CLASP2: variants seen among roughly 807,000 people sequenced by gnomAD.
CLASP2 encodes CLIP-associating protein 2.
CLASP2 carries 47 observed loss-of-function variants against 194.4 expected under a neutral mutation model. The observed-to-expected ratio is 0.24, with a 90% CI of 0.19 to 0.31. CLASP2 has a LOEUF of 0.31. CLASP2 is among the 10% of genes least tolerant of loss of function. The pLI is 1.00. For synonymous variants in CLASP2, 619 were observed against 633.5 expected (o/e 0.98, Z 0.34); for missense variants, 1,445 against 1,823.6 (o/e 0.79, Z 3.78).
At chr3:33,544,187 A>G (rs1006399869) in intron 31 of CLASP2, among the ~76,000 whole-genome samples, 3 of 152,218 alleles carry the variant, frequency 2.0e-5, no homozygotes, top group Non-Finnish European at 2.9e-5. Context: ...ACAAATATAC[A>G]TATTTCAATG....
At chr3:33,690,953 G>A (rs1018659817) in intron 2 of CLASP2, among the ~76,000 whole-genome samples, 3 of 152,160 alleles carry the variant, frequency 2.0e-5, no homozygotes, top group South Asian at 2.1e-4. Flanking sequence ...GATGGTTTTG[G>A]GATCAGGCAT....
chr3:33,610,491 T>C (rs1370015573), intron 13 of CLASP2, among the ~76,000 whole-genome samples: 1 of 152,232 alleles, frequency 6.6e-6, no homozygotes, highest in African/African-American at 2.4e-5. Context: ...AGTTAATGGA[T>C]TGCTCCCCAT....
chr3:33,582,120 G>T (rs1560144724), intron 22 of CLASP2, among the ~76,000 whole-genome samples, 192 bp from the exon 23 acceptor site: 1 of 152,156 alleles, frequency 6.6e-6, no homozygotes, highest in Non-Finnish European at 1.5e-5. Context: ...CCTCTAGTTT[G>T]TATGAAATTA....
chr3:33,645,973 C>G (rs1025748045), intron 7 of CLASP2, among the ~76,000 whole-genome samples: 5 of 138,050 alleles, frequency 3.6e-5, no homozygotes, highest in African/African-American at 1.4e-4. Context: ...CACACACACA[C>G]ACAATGTATT....
In CLASP2 at chr3:33,632,282, G is replaced by A; in HGVS notation, c.942+10C>T. ...GCAATATTCACGGGGAGTGCCACTG[G>A]TAGCCTTACCTGAATAGAAGGGACA... On this transcript the variant is annotated intron_variant, in intron 9 of 38. Transcript: ENST00000682230. The A allele has an allele frequency of 6.3e-7, 1 of 1,576,476 alleles. No homozygotes were observed. The highest frequency in any genetic ancestry group is 8.6e-7 in the Non-Finnish European group (1 of 1,159,182).
At chr3:33,538,763 G>GA (rs771604897) in intron 33 of CLASP2, 26 bp downstream of exon 33, 1 of 1,511,370 alleles carries the variant, frequency 6.6e-7, no homozygotes, top group East Asian at 2.3e-5. Context: ...AAATAGTCTG[G>GA]AAAGTAAGGA....
rs1423650432 is a variant in CLASP2, at chr3:33,592,670, G to C, written c.1967-174C>G. The stretch of plus-strand genomic sequence containing the variant: ...ATAAACAGTAATTTTTTTTTTACGT[G>C]TTATACCATAAGCTAATTTTCCTTC... On this transcript the variant is annotated intron_variant, in intron 20 of 38. Coordinates refer to ENST00000682230, the MANE Select transcript of CLASP2 (RefSeq NM_001365631.1). The C allele has an allele frequency of 6.1e-6, 4 of 659,694 alleles. No individual in the cohort carries two copies. In the South Asian group the frequency reaches 6.7e-5, roughly 11 times the overall value. The allele number at this position is 659,694 out of a possible 1,614,324, so 40.9% of individuals were successfully genotyped here.
At chr3:33,525,145 G>A (rs1300004673) in intron 34 of CLASP2, among the ~76,000 whole-genome samples, 1 of 151,946 alleles carries the variant, frequency 6.6e-6, no homozygotes, top group Non-Finnish European at 1.5e-5. Flanking sequence ...ACAAGTTTGA[G>A]GAAATTAAAC....
intron 8 of CLASP2, among the ~76,000 whole-genome samples, chr3:33,644,123 C>A (rs1317996659): frequency 6.6e-6 from 1 of 151,974 alleles, no homozygotes; most frequent in Non-Finnish European, 1.5e-5. Flanking sequence ...AAAGAATACC[C>A]ATTAAAAAAT....
At chr3:33,697,932 G>A (rs2092071997) in intron 1 of CLASP2, among the ~76,000 whole-genome samples, 1 of 152,208 alleles carries the variant, frequency 6.6e-6, no homozygotes, top group Non-Finnish European at 1.5e-5. Context: ...TTACAACTGA[G>A]TGTGGGCTAG....
At chr3:33,504,934 G>C (rs1261405708) in intron 37 of CLASP2, 1 of 152,106 alleles carries the variant, frequency 6.6e-6, no homozygotes, top group Non-Finnish European at 1.5e-5. Context: ...CCATGGCCTG[G>C]GGGTTAGGGA....
At chr3:33,658,927 A>G in intron 7 of CLASP2, 1 of 1,464,936 alleles carries the variant, frequency 6.8e-7, no homozygotes, top group Non-Finnish European at 9.2e-7. Flanking sequence ...TCACCTTAAA[A>G]GGAAGTGTAT....
At chr3:33,629,255 C>T (rs968159941) in intron 9 of CLASP2, among the ~76,000 whole-genome samples, 3 of 152,088 alleles carry the variant, frequency 2.0e-5, no homozygotes, top group African/African-American at 7.2e-5. Flanking sequence ...CTGAAGAACC[C>T]AGCCACGTTA....
intron 12 of CLASP2, 86 bp downstream of exon 12, chr3:33,619,517 G>A (rs2076774713): frequency 3.3e-6 from 4 of 1,202,878 alleles, no homozygotes; most frequent in Non-Finnish European, 2.2e-6. Flanking sequence ...GAGGGGTGGG[G>A]TGGGGAAAGG....
intron 1 of CLASP2, among the ~76,000 whole-genome samples, chr3:33,712,538 A>G (rs1303199836): frequency 3.3e-5 from 5 of 152,160 alleles, no homozygotes; most frequent in Admixed American, 2.6e-4. Flanking sequence ...GAATGGATGT[A>G]AGGATATGAT....
At chr3:33,580,940 C>A (rs1331954218) in intron 23 of CLASP2, among the ~76,000 whole-genome samples, 1 of 138,398 alleles carries the variant, frequency 7.2e-6, no homozygotes, top group Non-Finnish European at 1.5e-5. Context: ...GGTGTGAACC[C>A]AGGAGGCAGA....
Position 33,572,442 on chromosome 3 carries a change from T to C in CLASP2, c.2699+668A>G, listed in dbSNP as rs112465897. Reference sequence around the variant, plus strand: ...GTACATCAAACTCTTATTTCACAGGTATCAAGTCAGGAAGTAACCCTGCAC... The same window carrying C: ...GTACATCAAACTCTTATTTCACAGGCATCAAGTCAGGAAGTAACCCTGCAC... On this transcript the variant is annotated intron_variant, in intron 25 of 38. Coordinates refer to ENST00000682230, the MANE Select transcript of CLASP2 (RefSeq NM_001365631.1). 6.5e-3 allele frequency among the ~76,000 whole-genome samples: 994 copies of C among 152,272 alleles called. 10 individuals carry two copies. Among genetic ancestry groups the C allele is most frequent in the African/African-American group, 0.022 (901 of 41,562 alleles).
In CLASP2 at chr3:33,538,795, G is replaced by T; in HGVS notation, c.3552C>A (p.Gly1184=). The T allele has an allele frequency of 1.3e-6, 2 of 1,574,898 alleles. No homozygotes were observed. Among genetic ancestry groups the T allele is most frequent in the African/African-American group, 1.4e-5 (1 of 73,240 alleles). ...AGGATATTAAAATACTTACTGAATCGCCATCATCTTTTTTAGAATCCCTTT... is the reference window on the plus strand; with the variant it reads ...AGGATATTAAAATACTTACTGAATCTCCATCATCTTTTTTAGAATCCCTTT... ...PLKRDSKKDD[G]DSMCGGPGMS... Residue 1184 remains glycine (G), a synonymous_variant, in exon 33 of 39, where the codon GGC becomes GGA. Coordinates refer to ENST00000682230, the MANE Select transcript of CLASP2 (RefSeq NM_001365631.1).
At chr3:33,648,598 A>G (rs2082669535) in intron 7 of CLASP2, among the ~76,000 whole-genome samples, 1 of 152,212 alleles carries the variant, frequency 6.6e-6, no homozygotes, top group Non-Finnish European at 1.5e-5. Context: ...ACTATCAGCT[A>G]AAAGAATTCA....
Sources: allele counts gnomAD v4.1 joint callset (sites outside exome capture counted in the v4.1 genomes callset), GRCh38; gene constraint gnomAD v4.1.1; transcripts MANE v1.5; gene names NCBI Gene and HGNC (gene_info 2026-07-23, HGNC 2026-07-21).